Variants in AMY2B observed in about 807,000 individuals in gnomAD.
AMY2B encodes the protein alpha-amylase 2B.
A neutral mutation model predicts 59.3 loss-of-function variants in AMY2B; 63 were observed. The observed-to-expected ratio is 1.06, with a 90% CI of 0.87 to 1.31. The LOEUF is 1.31. Ranked by LOEUF, AMY2B falls within the 50% of genes most tolerant of loss-of-function variation. AMY2B has a pLI of 0.00. For missense variants in AMY2B, 635 were observed against 626.7 expected (o/e 1.01, Z -0.14); for synonymous variants, 180 against 198.1 (o/e 0.91, Z 0.77).
At chr1:103,562,672 C>CTT (rs373215753) in intron 1 of AMY2B, among the ~76,000 whole-genome samples, 4,802 of 112,008 alleles carry the variant, frequency 0.043, 168 homozygotes, top group South Asian at 0.09. Flanking sequence ...GATAACTTGT[C>CTT]TTTTTTTTTT....
chr1:103,574,537 C>T (rs545137874), intron 5 of AMY2B, 144 bp downstream of exon 5: 23 of 1,498,638 alleles, frequency 1.5e-5, no homozygotes, highest in Admixed American at 7.9e-5. Context: ...GTGCCCTAAA[C>T]TCTAATCAAT....
At chr1:103,574,630 G>A (rs1478794881) in intron 5 of AMY2B, among the ~76,000 whole-genome samples, 1 of 152,020 alleles carries the variant, frequency 6.6e-6, no homozygotes, top group Non-Finnish European at 1.5e-5. Flanking sequence ...GTCTAAGTAC[G>A]AGATGAATAT....
upstream of AMY2B, chr1:103,569,396 TTG>T (rs58457409): frequency 0.066 from 9,953 of 150,406 alleles, 256 homozygotes; most frequent in African/African-American, 0.11. Context: ...TTATGTGGGT[TTG>T]TGTGTGTGTG....
At chr1:103,564,827 G>T (rs1268952721) in intron 1 of AMY2B, among the ~76,000 whole-genome samples, 1 of 151,824 alleles carries the variant, frequency 6.6e-6, no homozygotes, top group East Asian at 1.9e-4. Flanking sequence ...ATACCCATTT[G>T]TTTTAAAAAT....
At chr1:103,566,342 G>T (rs1483011468) in intron 2 of AMY2B, among the ~76,000 whole-genome samples, 1 of 151,986 alleles carries the variant, frequency 6.6e-6, no homozygotes, top group Non-Finnish European at 1.5e-5. Flanking sequence ...TTCTAGAACA[G>T]CTCTGTCTAA....
Position 103,577,772 on chromosome 1 carries a change from T to C in AMY2B, c.1273T>C (p.Tyr425His). The change falls in exon 9 of 10, where the codon TAT (tyrosine) becomes CAT (histidine). Residue 425 changes from tyrosine (Y) to histidine (H), a missense_variant. Transcript: ENST00000684275. ...VVDGQPFTNW[Y>H]DNGSNQVAFG... The stretch of plus-strand genomic sequence containing the variant: ...GGATGGCCAGCCTTTTACAAACTGG[T>C]ATGATAATGGGAGCAACCAAGTGGC... 1 of 1,608,944 alleles carries C rather than the reference T, an allele frequency of 6.2e-7. No individual in the cohort carries two copies. The highest frequency in any genetic ancestry group is 8.5e-7 in the Non-Finnish European group (1 of 1,179,764).
intron 1 of AMY2B, among the ~76,000 whole-genome samples, chr1:103,557,204 G>A (rs1371791337): frequency 6.6e-6 from 1 of 151,698 alleles, no homozygotes; most frequent in Non-Finnish European, 1.5e-5. Context: ...ACAAAACATT[G>A]AATAAGCATC....
chr1:103,570,977 G>T (rs1652107142), upstream of AMY2B: 14 of 353,852 alleles, frequency 4.0e-5, no homozygotes, highest in Non-Finnish European at 7.4e-5. Flanking sequence ...GACAAGTCTG[G>T]CTTGGTGAGT....
chr1:103,558,325 C>A (rs1651622242), intron 1 of AMY2B, among the ~76,000 whole-genome samples: 4 of 152,112 alleles, frequency 2.6e-5, no homozygotes, highest in Non-Finnish European at 2.9e-5. Flanking sequence ...ATTTTAGTTT[C>A]TTTTATTACT....
intron 1 of AMY2B, among the ~76,000 whole-genome samples, chr1:103,555,809 TGTA>T (rs1020144469): frequency 3.3e-5 from 5 of 152,066 alleles, no homozygotes; most frequent in Non-Finnish European, 5.9e-5. Flanking sequence ...TGGAGGGCAA[TGTA>T]GTATCAAAAA....
intron 1 of AMY2B, among the ~76,000 whole-genome samples, chr1:103,557,151 C>T (rs1235159000): frequency 6.6e-5 from 9 of 136,076 alleles, no homozygotes; most frequent in Non-Finnish European, 1.1e-4. Context: ...TGCGCGCGCG[C>T]ACACACACAC....
At chr1:103,566,006 C>T (rs1309084989) in intron 2 of AMY2B, among the ~76,000 whole-genome samples, 5 of 151,922 alleles carry the variant, frequency 3.3e-5, no homozygotes, top group African/African-American at 1.2e-4. Flanking sequence ...TTTGAGTGTC[C>T]CCAATATACC....
intron 1 of AMY2B, among the ~76,000 whole-genome samples, chr1:103,563,885 A>G (rs922968973): frequency 1.3e-5 from 2 of 152,158 alleles, no homozygotes; most frequent in African/African-American, 4.8e-5. Context: ...GGTAGAAAAT[A>G]TTGGTGATTC....
At chr1:103,575,046 TTG>T (rs1293830335) in intron 5 of AMY2B, among the ~76,000 whole-genome samples, 175 bp from the exon 6 acceptor site, 1 of 127,088 alleles carries the variant, frequency 7.9e-6, no homozygotes, top group Non-Finnish European at 1.6e-5. Context: ...GAGTGTGTGT[TTG>T]TGTGTGTGTA....
intron 1 of AMY2B, among the ~76,000 whole-genome samples, chr1:103,555,783 A>T (rs1332049459): frequency 6.6e-6 from 1 of 152,152 alleles, no homozygotes; most frequent in African/African-American, 2.4e-5. Flanking sequence ...AGGGGTTGTG[A>T]GAAATGGGTT....
At chr1:103,572,639 G>C (rs775098612) in intron 2 of AMY2B, among the ~76,000 whole-genome samples, 2 of 152,120 alleles carry the variant, frequency 1.3e-5, no homozygotes, top group Non-Finnish European at 2.9e-5. Flanking sequence ...TGACTAGCTA[G>C]CTTCTCTATT....
chr1:103,577,459 T>C (rs1050474548), intron 7 of AMY2B, 31 bp from the exon 8 acceptor site: 1 of 1,611,772 alleles, frequency 6.2e-7, no homozygotes, highest in Non-Finnish European at 8.5e-7. Flanking sequence ...TATATGTATG[T>C]TAAAATTTGG....
upstream of AMY2B, chr1:103,570,205 G>A (rs895340530): frequency 7.9e-6 from 4 of 504,156 alleles, no homozygotes; most frequent in Admixed American, 4.5e-5. Flanking sequence ...ACTGTGCTAT[G>A]TTGCCCTGGA....
chr1:103,564,280 A>G (rs1651832505), intron 1 of AMY2B, among the ~76,000 whole-genome samples: 1 of 152,152 alleles, frequency 6.6e-6, no homozygotes, highest in South Asian at 2.1e-4. Flanking sequence ...CTTAACTCCT[A>G]ATAATTGCGT....
Sources: gnomAD v4.1 joint callset for allele counts (sites outside exome capture counted in the v4.1 genomes callset) on GRCh38, gnomAD v4.1.1 for gene constraint, MANE v1.5 for transcripts, NCBI Gene and HGNC (gene_info 2026-07-23, HGNC 2026-07-21) for gene names.